Variants in DIABLO observed in about 807,000 individuals in gnomAD.
The protein encoded by DIABLO is diablo homolog, mitochondrial.
A neutral mutation model predicts 31.7 loss-of-function variants in DIABLO; 32 were observed. The observed-to-expected ratio is 1.01, with a 90% CI of 0.76 to 1.35. DIABLO has a LOEUF of 1.35. Among genes scored for constraint, DIABLO ranks in the 40% most tolerant of loss-of-function variants. The pLI is 0.00. For synonymous variants in DIABLO, 132 were observed against 103.2 expected, an observed-to-expected ratio of 1.28 and a Z score of -1.69; for missense variants, 316 against 286.4, an observed-to-expected ratio of 1.10 and a Z score of -0.75.
chr12:122,210,063 C>G (rs1954047277), intron 5 of DIABLO, among the ~76,000 whole-genome samples: 1 of 152,142 alleles, frequency 6.6e-6, no homozygotes, highest in South Asian at 2.1e-4. Context: ...GAGTCTCACT[C>G]TATAGTTTTT....
intron 5 of DIABLO, among the ~76,000 whole-genome samples, chr12:122,212,570 A>ATTTTGCTCTGAATCT (rs1954111249): frequency 6.7e-6 from 1 of 149,908 alleles, no homozygotes; most frequent in Admixed American, 6.6e-5. Context: ...AGCTTTTGGG[A>ATTTTGCTCTGAATCT]TTTTGCTCTG....
At chr12:122,224,830 T>C (rs1954415539) in intron 1 of DIABLO, 186 bp from the exon 2 acceptor site, 4 of 1,514,318 alleles carry the variant, frequency 2.6e-6, no homozygotes, top group African/African-American at 2.8e-5. Flanking sequence ...AGGCAGGGTG[T>C]TGGTGGCTCA....
chr12:122,225,838 C>G (rs1398255923), intron 1 of DIABLO, 127 bp downstream of exon 1: 15 of 1,519,736 alleles, frequency 9.9e-6, no homozygotes, highest in Non-Finnish European at 1.1e-5. Flanking sequence ...GAGCGAGACG[C>G]CGCGACCCAG....
chr12:122,224,381 AT>A, intron 2 of DIABLO, 130 bp downstream of exon 2: 3 of 1,347,740 alleles, frequency 2.2e-6, no homozygotes, highest in Middle Eastern at 2.4e-4. Flanking sequence ...CTGTGAAAAG[AT>A]GCCGGTACTG....
At chr12:122,219,105 C>T (rs1249686573) in intron 2 of DIABLO, among the ~76,000 whole-genome samples, 7 of 151,636 alleles carry the variant, frequency 4.6e-5, no homozygotes, top group East Asian at 1.9e-4. Context: ...TGGTGGCACA[C>T]GCCTGTAGTC....
At chr12:122,224,834 T>G (rs1465539949) in intron 1 of DIABLO, 190 bp from the exon 2 acceptor site, 14 of 1,510,004 alleles carry the variant, frequency 9.3e-6, no homozygotes, top group Admixed American at 2.0e-5. Context: ...AGGGTGTTGG[T>G]GGCTCACGCC....
intron 5 of DIABLO, among the ~76,000 whole-genome samples, chr12:122,213,399 T>A (rs1954131983): frequency 6.6e-6 from 1 of 151,432 alleles, no homozygotes; most frequent in Non-Finnish European, 1.5e-5. Context: ...CCTGGGAGAC[T>A]GACATGGTAG....
chr12:122,224,803 G>A (rs1212211304), intron 1 of DIABLO, 159 bp from the exon 2 acceptor site: 11 of 1,538,776 alleles, frequency 7.1e-6, no homozygotes, highest in Admixed American at 2.0e-5. Flanking sequence ...CATACACCAA[G>A]TTTAAAATGT....
At chr12:122,218,441 T>C (rs762469209) in intron 2 of DIABLO, 44 bp from the exon 3 acceptor site, 4 of 1,613,290 alleles carry the variant, frequency 2.5e-6, no homozygotes, top group Admixed American at 1.7e-5. Context: ...AAGCTCAAAC[T>C]GAGAACTTTT....
At chr12:122,221,562 C>G (rs1211189739) in intron 2 of DIABLO, 1 of 152,116 alleles carries the variant, frequency 6.6e-6, no homozygotes, top group Admixed American at 6.5e-5. Context: ...GCCACCACAC[C>G]TAGCTAATTA....
At position 122,225,979 on chromosome 12, in the gene DIABLO, T is replaced by TA. The variant is rs774102196; in HGVS notation, c.35dup (p.Thr13AsnfsTer17). On this transcript the variant is annotated frameshift_variant, in exon 1 of 6. Transcript: ENST00000464942. LOFTEE classifies it high-confidence loss of function. ...CGCAGCGGTACCTGAAGAATGAAGT[T>TA]ACGCTGCGCGACAGCCAACTCTTCA... The TA allele has an allele frequency of 6.2e-6, 10 of 1,600,706 alleles. No individual in the cohort carries two copies. The highest frequency in any genetic ancestry group is 1.3e-5 in the African/African-American group (1 of 74,630).
intron 2 of DIABLO, 78 bp from the exon 3 acceptor site, chr12:122,218,475 G>A (rs966776102): frequency 7.6e-6 from 12 of 1,582,362 alleles, no homozygotes; most frequent in Middle Eastern, 1.7e-4. Context: ...AGCAAAAAAC[G>A]TAATTGTCAT....
At chr12:122,226,269 G>T (rs1954472901), upstream of DIABLO, 1 of 692,662 alleles carries the variant, frequency 1.4e-6, no homozygotes, top group Admixed American at 2.1e-5. Flanking sequence ...CGCGGAGGTG[G>T]GTCCGGCGCG....
intron 1 of DIABLO, chr12:122,225,417 T>C: frequency 1.0e-6 from 1 of 997,390 alleles, no homozygotes. Flanking sequence ...AAATGTTGCC[T>C]TTAAACTTTT....
At chr12:122,215,446 A>G (rs1954186863) in intron 5 of DIABLO, among the ~76,000 whole-genome samples, 1 of 152,086 alleles carries the variant, frequency 6.6e-6, no homozygotes, top group Non-Finnish European at 1.5e-5. Flanking sequence ...TCTATTAAAA[A>G]TACAAAAACT....
In DIABLO at chr12:122,209,974, T is replaced by C. The variant is rs1416418366; in HGVS notation, c.524-1397A>G. On this transcript the variant is annotated intron_variant, in intron 5 of 5. Coordinates refer to ENST00000464942, the MANE Select transcript of DIABLO (RefSeq NM_001371333.1). Reference sequence around the variant, plus strand: ...AATGGCTACTACACTGAAGATGTTTTGGGCATATGTTAAGTGGTTTTTCTC... The same window carrying C: ...AATGGCTACTACACTGAAGATGTTTCGGGCATATGTTAAGTGGTTTTTCTC... The C allele has an allele frequency of 1.5e-5, 9 of 588,054 alleles. No individual in the cohort carries two copies. In the South Asian group the frequency reaches 1.9e-4, roughly 13 times the overall value. The allele number at this position is 588,054 out of a possible 1,614,324, so 36.4% of individuals were successfully genotyped here.
chr12:122,218,261 C>T lies in DIABLO; in HGVS notation c.315+5G>A, dbSNP rs555914122. ...TAGAAGATCAAGAGTTAAGAGGAGACATACCTTAGTATATTCAGTAATAGC... is the reference window on the plus strand; with the variant it reads ...TAGAAGATCAAGAGTTAAGAGGAGATATACCTTAGTATATTCAGTAATAGC... On this transcript the variant is annotated splice_donor_5th_base_variant and intron_variant, in intron 3 of 5. Transcript: ENST00000464942. 5.6e-6 allele frequency: 9 copies of T among 1,614,106 alleles called. No homozygotes were observed. The East Asian group carries it at 1.6e-4, about 28-fold the overall frequency.
At chr12:122,215,867 T>C (rs1183033208) in intron 5 of DIABLO, among the ~76,000 whole-genome samples, 2 of 111,724 alleles carry the variant, frequency 1.8e-5, no homozygotes, top group African/African-American at 3.6e-5. Context: ...TAAAACCCCA[T>C]CTCTATTTTA....
chr12:122,219,231 C>CAA (rs112338890), intron 2 of DIABLO, among the ~76,000 whole-genome samples: 3 of 139,612 alleles, frequency 2.1e-5, no homozygotes, highest in African/African-American at 7.9e-5. Context: ...GACTACATCT[C>CAA]AAAAAAAAAA....
Sources: allele counts gnomAD v4.1 joint callset (sites outside exome capture counted in the v4.1 genomes callset), GRCh38; gene constraint gnomAD v4.1.1; transcripts MANE v1.5; gene names NCBI Gene and HGNC (gene_info 2026-07-23, HGNC 2026-07-21).